SLC7A14: variants seen among roughly 807,000 people sequenced by gnomAD.
SLC7A14 encodes solute carrier family 7 member 14.
A neutral mutation model predicts 60.2 loss-of-function variants in SLC7A14; 37 were observed. The ratio of observed to expected loss-of-function variants is 0.61; its 90% CI spans 0.47 to 0.81. SLC7A14 has a LOEUF of 0.81. Ranked by LOEUF, SLC7A14 falls within the 30% of genes least tolerant of loss-of-function variation. The pLI, the probability that SLC7A14 is intolerant of heterozygous loss-of-function variation, is 0.00. For synonymous variants in SLC7A14, 399 were observed against 395.8 expected (o/e 1.01, Z -0.10); for missense variants, 886 against 982.7 (o/e 0.90, Z 1.32).
intron 1 of SLC7A14, among the ~76,000 whole-genome samples, chr3:170,559,913 A>G (rs931306796): frequency 1.3e-5 from 2 of 152,236 alleles, no homozygotes; most frequent in African/African-American, 4.8e-5. Context: ...CCACCTCTCT[A>G]GCCTGGTTGT....
At chr3:170,539,539 G>C (rs1713948093) in intron 1 of SLC7A14, among the ~76,000 whole-genome samples, 1 of 151,866 alleles carries the variant, frequency 6.6e-6, no homozygotes, top group Non-Finnish European at 1.5e-5. Flanking sequence ...TATTTATTTA[G>C]TTTCGAGTAA....
intron 1 of SLC7A14, among the ~76,000 whole-genome samples, chr3:170,542,941 G>A (rs1714065378): frequency 6.6e-6 from 1 of 152,160 alleles, no homozygotes; most frequent in Non-Finnish European, 1.5e-5. Flanking sequence ...TTGCCATGAT[G>A]CCTAGAATCT....
intron 7 of SLC7A14, among the ~76,000 whole-genome samples, chr3:170,467,946 T>C (rs1463386467): frequency 6.6e-6 from 1 of 152,190 alleles, no homozygotes; most frequent in East Asian, 1.9e-4. Context: ...CATTTTACAC[T>C]CACTAAAGGC....
intron 2 of SLC7A14, among the ~76,000 whole-genome samples, chr3:170,523,215 G>A (rs1442876796): frequency 6.6e-6 from 1 of 152,162 alleles, no homozygotes; most frequent in Non-Finnish European, 1.5e-5. Flanking sequence ...AGAAATTATG[G>A]AACTTACTCA....
intron 4 of SLC7A14, among the ~76,000 whole-genome samples, chr3:170,494,072 G>A (rs1238927172): frequency 3.3e-5 from 5 of 152,190 alleles, no homozygotes; most frequent in Admixed American, 2.6e-4. Flanking sequence ...AAGATAACCA[G>A]TTCATGGTCC....
At chr3:170,513,375 G>T (rs554580466) in intron 2 of SLC7A14, among the ~76,000 whole-genome samples, 11 of 152,312 alleles carry the variant, frequency 7.2e-5, no homozygotes, top group Admixed American at 7.2e-4. Flanking sequence ...TCAAAGAAAT[G>T]ATAAGCTAGG....
chr3:170,534,888 T>C (rs942352572), intron 1 of SLC7A14, among the ~76,000 whole-genome samples: 2 of 152,146 alleles, frequency 1.3e-5, no homozygotes, highest in African/African-American at 4.8e-5. Flanking sequence ...CACTCCAGAG[T>C]TGCGAATACT....
chr3:170,573,200 C>T (rs898750712), intron 1 of SLC7A14, among the ~76,000 whole-genome samples: 1 of 152,118 alleles, frequency 6.6e-6, no homozygotes, highest in Non-Finnish European at 1.5e-5. Context: ...AGAATTAGCA[C>T]AAAATACAAG....
intron 1 of SLC7A14, among the ~76,000 whole-genome samples, chr3:170,557,259 C>A (rs1577560720): frequency 6.6e-6 from 1 of 152,140 alleles, no homozygotes; most frequent in Non-Finnish European, 1.5e-5. Context: ...ATTCGTAAGG[C>A]CATCCTTTGG....
chr3:170,522,536 T>G (rs977507156), intron 2 of SLC7A14, among the ~76,000 whole-genome samples: 10 of 152,236 alleles, frequency 6.6e-5, no homozygotes, highest in Non-Finnish European at 1.5e-4. Flanking sequence ...GAAAGCAAAC[T>G]TAAAAGGTTA....
chr3:170,459,913 A>G lies in SLC7A14; in HGVS notation c.*7142T>C, dbSNP rs2108258612. ...TTTTTAAATTTAAAGGCACACAATA[A>G]AGCTTTATGCATTTATTAAAATATA... On this transcript the variant is annotated 3_prime_UTR_variant, in exon 8 of 8. Coordinates refer to ENST00000231706, the MANE Select transcript of SLC7A14 (RefSeq NM_020949.3). 1 of 152,362 alleles carries G rather than the reference A, an allele frequency of 6.6e-6. No individual in the cohort carries two copies. The highest frequency in any genetic ancestry group is 2.1e-4 in the South Asian group (1 of 4,830). The allele number at this position is 152,362 out of a possible 1,614,324, so 9.4% of individuals were successfully genotyped here.
chr3:170,477,786 GCTTT>G (rs1711673480), intron 7 of SLC7A14, among the ~76,000 whole-genome samples: 1 of 152,184 alleles, frequency 6.6e-6, no homozygotes, highest in South Asian at 2.1e-4. Context: ...TCATTCATAT[GCTTT>G]CTAATACCAG....
intron 4 of SLC7A14, among the ~76,000 whole-genome samples, chr3:170,490,654 A>G (rs1712187124): frequency 6.6e-6 from 1 of 152,184 alleles, no homozygotes; most frequent in Non-Finnish European, 1.5e-5. Flanking sequence ...CTTCAGAGGA[A>G]ATCCTAGGGC....
At chr3:170,471,114 T>TGTGTGTGTGTGTGTGTGTGA (rs1477502291) in intron 7 of SLC7A14, among the ~76,000 whole-genome samples, 4 of 151,960 alleles carry the variant, frequency 2.6e-5, no homozygotes, top group African/African-American at 7.3e-5. Context: ...TGTGTGTGTG[T>TGTGTGTGTGTGTGTGTGTGA]GTGTGTGAGT....
At position 170,526,880 on chromosome 3, in the gene SLC7A14, C is replaced by A. The variant is rs1713524789; in HGVS notation, c.57G>T (p.Trp19Cys). The change falls in exon 2 of 8, where the codon TGG becomes TGT. Residue 19 changes from tryptophan to cysteine, a missense_variant. Physicochemically the swap from Trp to Cys is radical, Grantham distance 215 (BLOSUM62 -2). Transcript: ENST00000231706. ...GTAGGATCCTGGAGTGCATTGCATA[C>A]CAGGCAGCTCCCCACTGCACCCGCC... ...DPRRVQWGAA[W>C]YAMHSRILRT... 1 of 1,613,778 alleles carries A rather than the reference C, an allele frequency of 6.2e-7. No individual in the cohort carries two copies.
At chr3:170,493,529 A>G (rs1241079511) in intron 4 of SLC7A14, among the ~76,000 whole-genome samples, 1 of 152,216 alleles carries the variant, frequency 6.6e-6, no homozygotes, top group East Asian at 1.9e-4. Context: ...CCTCTGTACT[A>G]GTCCCCTAGT....
intron 1 of SLC7A14, among the ~76,000 whole-genome samples, chr3:170,554,624 C>T (rs1714438065): frequency 6.6e-6 from 1 of 152,184 alleles, no homozygotes; most frequent in East Asian, 1.9e-4. Context: ...GCAGTCACAG[C>T]CTGATTGGCC....
At chr3:170,569,832 T>C (rs1034468310) in intron 1 of SLC7A14, among the ~76,000 whole-genome samples, 14 of 152,234 alleles carry the variant, frequency 9.2e-5, no homozygotes, top group Non-Finnish European at 1.8e-4. Context: ...TGGTAGTTTG[T>C]ATTTCTGTGG....
chr3:170,499,236 C>CAAAAAAAAAAAAAAAAAAAAAAA (rs11336080), intron 3 of SLC7A14, among the ~76,000 whole-genome samples: 1 of 59,930 alleles, frequency 1.7e-5, no homozygotes, highest in African/African-American at 1.0e-4. Context: ...GACTCTGTCT[C>CAAAAAAAAAAAAAAAAAAAAAAA]AAAAAAAAAA....
Sources: allele counts gnomAD v4.1 joint callset (sites outside exome capture counted in the v4.1 genomes callset), GRCh38; gene constraint gnomAD v4.1.1; transcripts MANE v1.5; gene names NCBI Gene and HGNC (gene_info 2026-07-23, HGNC 2026-07-21).